Variants in PLD4 observed in about 807,000 individuals in gnomAD.
The protein encoded by PLD4 is 5'-3' exonuclease PLD4.
PLD4 carries 54 observed loss-of-function variants against 52.3 expected under a neutral mutation model. The ratio of observed to expected loss-of-function variants is 1.03; its 90% CI spans 0.83 to 1.30. PLD4 has a LOEUF of 1.30. Among genes scored for constraint, PLD4 ranks in the 50% most tolerant of loss-of-function variants. PLD4 has a pLI of 0.00. For synonymous variants in PLD4, 264 were observed against 286.5 expected (o/e 0.92, Z 0.79); for missense variants, 731 against 671.1 (o/e 1.09, Z -0.99).
chr14:104,930,458 A>T (rs970701935), intron 6 of PLD4, among the ~76,000 whole-genome samples: 7 of 152,242 alleles, frequency 4.6e-5, no homozygotes, highest in African/African-American at 1.4e-4. Flanking sequence ...CAGTGGGATT[A>T]AGAATGATCC....
chr14:104,931,948 C>G, intron 8 of PLD4, 61 bp downstream of exon 8: 1 of 1,524,200 alleles, frequency 6.6e-7, no homozygotes. Flanking sequence ...GGGCACGTCC[C>G]CTCCTGCTGG....
chr14:104,927,205 G>A lies in PLD4; in HGVS notation c.65G>A (p.Arg22His), dbSNP rs200194221. ...PTWPCSMPPR[R>H]PWDREAGTLQ... The stretch of plus-strand genomic sequence containing the variant: ...TGGCCATGCTCCATGCCGCCCCGCC[G>A]CCCGTGGGACAGAGAGGCTGGCACG... The change falls in exon 2 of 11, where the codon CGC becomes CAC. Residue 22 changes from arginine (R) to histidine (H), a missense_variant. By Grantham distance (29) the Arg-to-His change is conservative. Coordinates refer to ENST00000392593, the MANE Select transcript of PLD4 (RefSeq NM_138790.5). 5.4e-5 allele frequency: 84 copies of A among 1,557,722 alleles called. No homozygotes were observed. The East Asian group carries it at 7.7e-4, about 14-fold the overall frequency.
chr14:104,931,012 C>A, intron 7 of PLD4, 70 bp downstream of exon 7: 1 of 1,541,780 alleles, frequency 6.5e-7, no homozygotes, highest in Non-Finnish European at 8.9e-7. Flanking sequence ...CCACAGGGAG[C>A]CCTCTGGGCT....
At chr14:104,936,236 C>G (rs144884195), downstream of PLD4, 2 of 152,190 alleles carry the variant, frequency 1.3e-5, no homozygotes, top group South Asian at 2.1e-4. Flanking sequence ...GACTCCTCCC[C>G]CTGGGCTGCA....
In PLD4 at chr14:104,927,210, T is replaced by C. The variant is rs755146577; in HGVS notation, c.70T>C (p.Trp24Arg). 6.4e-7 allele frequency: 1 copy of C among 1,556,132 alleles called. No homozygotes were observed. Among genetic ancestry groups the C allele is most frequent in the Admixed American group, 1.9e-5 (1 of 51,506 alleles). ...ATGCTCCATGCCGCCCCGCCGCCCG[T>C]GGGACAGAGAGGCTGGCACGGTAGG... Reference protein sequence around the residue: ...WPCSMPPRRPWDREAGTLQVL... With the variant: ...WPCSMPPRRPRDREAGTLQVL... Residue 24 changes from tryptophan to arginine, a missense_variant, in exon 2 of 11, where the codon TGG (tryptophan) becomes CGG (arginine). Physicochemically the swap from Trp to Arg is moderately radical, Grantham distance 101. Transcript: ENST00000392593.
At chr14:104,926,196 A>C (rs2582531) in intron 1 of PLD4, among the ~76,000 whole-genome samples, 88,058 of 151,956 alleles carry the variant, frequency 0.58, 26,530 homozygotes, top group African/African-American at 0.75. Context: ...CCTCGGAGAC[A>C]TCCCCATCCC....
chr14:104,929,286 A>G (rs771834806), intron 4 of PLD4, 21 bp from the exon 5 acceptor site: 20 of 1,583,464 alleles, frequency 1.3e-5, no homozygotes, highest in South Asian at 4.6e-5. Flanking sequence ...GTCAGCTCTC[A>G]TGGCTGGCCT....
In PLD4 at chr14:104,932,330, G is replaced by T; in HGVS notation, c.1296G>T (p.Met432Ile). 6.2e-7 allele frequency: 1 copy of T among 1,612,724 alleles called. No individual in the cohort carries two copies. The highest frequency in any genetic ancestry group is 8.5e-7 in the Non-Finnish European group (1 of 1,179,878). Residue 432 changes from methionine to isoleucine, a missense_variant, in exon 10 of 11, where the codon ATG (methionine) becomes ATT (isoleucine). Met to Ile is a conservative substitution (Grantham distance 10, BLOSUM62 1). Transcript: ENST00000392593. This position sits in a 1 kb window ranked among gnomAD's most constrained non-coding sequence, Gnocchi z 6.5. ...GCAGGGTGAACCACAGCAAGTTCAT[G>T]GTCACGGAGAAGGCAGCCTACATAG... Reference protein sequence around the residue: ...PFSRVNHSKFMVTEKAAYIGT... With the variant: ...PFSRVNHSKFIVTEKAAYIGT...
chr14:104,931,253 G>A (rs1026187700), intron 7 of PLD4, among the ~76,000 whole-genome samples: 1 of 152,172 alleles, frequency 6.6e-6, no homozygotes, highest in Non-Finnish European at 1.5e-5. Context: ...ACTGCTGGGC[G>A]AGGCCAAGGG....
chr14:104,932,393 T>C lies in PLD4; in HGVS notation c.1321+38T>C. On this transcript the variant is annotated intron_variant, in intron 10 of 10. Coordinates refer to ENST00000392593, the MANE Select transcript of PLD4 (RefSeq NM_138790.5). This position sits in a 1 kb window ranked among gnomAD's most constrained non-coding sequence, Gnocchi z 6.5. The stretch of plus-strand genomic sequence containing the variant: ...AGATCACGGCGGGCGGGCCCCAGGG[T>C]GGCCAGGCACGGGCGAGGGAGGCAC... The C allele has an allele frequency of 6.3e-7, 1 of 1,596,860 alleles. No homozygotes were observed. Among genetic ancestry groups the C allele is most frequent in the South Asian group, 1.1e-5 (1 of 90,612 alleles).
chr14:104,929,299 C>A lies in PLD4; in HGVS notation c.469-8C>A, dbSNP rs1403126565. On this transcript the variant is annotated splice_region_variant and splice_polypyrimidine_tract_variant and intron_variant, in intron 4 of 10. Coordinates refer to ENST00000392593, the MANE Select transcript of PLD4 (RefSeq NM_138790.5). ...AGGTCAGCTCTCATGGCTGGCCTGG[C>A]CTTGCAGGGAGAGGCTCTTCTGCAG... The A allele has an allele frequency of 3.2e-6, 5 of 1,583,606 alleles. No homozygotes were observed. The Admixed American group carries it at 5.4e-5, about 17-fold the overall frequency.
Position 104,933,206 on chromosome 14 carries a change from C to A in PLD4, c.*242C>A, listed in dbSNP as rs979329526. 8.9e-6 allele frequency: 4 copies of A among 449,332 alleles called. No individual in the cohort carries two copies. Among genetic ancestry groups the A allele is most frequent in the Non-Finnish European group, 3.9e-6 (1 of 256,864 alleles). 27.8% of individuals were successfully genotyped at this position (449,332 alleles called of 1,614,324 possible). ...AGCCCCTTCCCTGACTCCTGGCCCA[C>A]AGGCCAGGCCTAAAAAAAACTCGTG... On this transcript the variant is annotated 3_prime_UTR_variant, in exon 11 of 11. Coordinates refer to ENST00000392593, the MANE Select transcript of PLD4 (RefSeq NM_138790.5).
chr14:104,933,136 T>G lies in PLD4; in HGVS notation c.*172T>G. Reference sequence around the variant, plus strand: ...GCCCGCCTGCTCTCTGATTTCCGAGTCCAGCCCCCCCTGAGCCCCACCTCC... The same window carrying G: ...GCCCGCCTGCTCTCTGATTTCCGAGGCCAGCCCCCCCTGAGCCCCACCTCC... On this transcript the variant is annotated 3_prime_UTR_variant, in exon 11 of 11. Coordinates refer to ENST00000392593, the MANE Select transcript of PLD4 (RefSeq NM_138790.5). 1.4e-6 allele frequency: 1 copy of G among 725,666 alleles called. No homozygotes were observed. Among genetic ancestry groups the G allele is most frequent in the East Asian group, 3.1e-5 (1 of 31,874 alleles). 45.0% of individuals were successfully genotyped at this position (725,666 alleles called of 1,614,324 possible).
Position 104,927,246 on chromosome 14 carries a change from C to T in PLD4, c.90+16C>T. 1 of 1,528,900 alleles carries T rather than the reference C, an allele frequency of 6.5e-7. No individual in the cohort carries two copies. Among genetic ancestry groups the T allele is most frequent in the South Asian group, 1.2e-5 (1 of 82,408 alleles). 94.7% of individuals were successfully genotyped at this position (1,528,900 alleles called of 1,614,324 possible). On this transcript the variant is annotated intron_variant, in intron 2 of 10. Coordinates refer to ENST00000392593, the MANE Select transcript of PLD4 (RefSeq NM_138790.5). ...GGCTGGCACGGTAGGACTGGGGGGC[C>T]CCAGGGGGGAGGTGGCTGGGATCAA... is the stretch of plus-strand genomic sequence containing the variant.
chr14:104,927,576 A>G (rs1897497161), intron 2 of PLD4, 97 bp from the exon 3 acceptor site: 2 of 1,353,694 alleles, frequency 1.5e-6, no homozygotes, highest in African/African-American at 2.9e-5. Flanking sequence ...CGGGAAGTCA[A>G]GACGGTCTCT....
chr14:104,929,514 G>T (rs1897572077), intron 5 of PLD4, 87 bp downstream of exon 5: 2 of 1,465,474 alleles, frequency 1.4e-6, no homozygotes, highest in East Asian at 2.5e-5. Context: ...GAAAAGAAGT[G>T]AGGGTGGGAA....
In PLD4 at chr14:104,932,837, G is replaced by T; in HGVS notation, c.1394G>T (p.Gly465Val). The change falls in exon 11 of 11, where the codon GGC becomes GTC. Residue 465 changes from glycine (G) to valine (V), a missense_variant. Physicochemically the swap from Gly to Val is moderately radical, Grantham distance 109. Transcript: ENST00000392593. This position sits in a 1 kb window ranked among gnomAD's most constrained non-coding sequence, Gnocchi z 6.5. Reference protein sequence around the residue: ...GVGLVVTQSPGAQPAGATVQE... With the variant: ...GVGLVVTQSPVAQPAGATVQE... ...GGCTTGGTGGTCACCCAGAGCCCTG[G>T]CGCGCAGCCCGCGGGGGCCACGGTG... 6.2e-7 allele frequency: 1 copy of T among 1,605,570 alleles called. No homozygotes were observed. Among genetic ancestry groups the T allele is most frequent in the Non-Finnish European group, 8.5e-7 (1 of 1,176,632 alleles).
At chr14:104,937,741 C>T (rs1897846823), downstream of PLD4, 2 of 301,510 alleles carry the variant, frequency 6.6e-6, no homozygotes, top group East Asian at 6.1e-5. Context: ...GTATTATGGA[C>T]AGGTCTCTGG....
chr14:104,933,026 C>T lies in PLD4; in HGVS notation c.*62C>T. 6.8e-7 allele frequency: 1 copy of T among 1,469,752 alleles called. No individual in the cohort carries two copies. The highest frequency in any genetic ancestry group is 9.0e-7 in the Non-Finnish European group (1 of 1,108,512). 91.0% of individuals were successfully genotyped at this position (1,469,752 alleles called of 1,614,324 possible). ...ACGCGCCCTCCCCTCTGACCCCGGCCTGGGCTTCAGCCGCTTCCTCCCGCA... is the reference window on the plus strand; with the variant it reads ...ACGCGCCCTCCCCTCTGACCCCGGCTTGGGCTTCAGCCGCTTCCTCCCGCA... On this transcript the variant is annotated 3_prime_UTR_variant, in exon 11 of 11. Coordinates refer to ENST00000392593, the MANE Select transcript of PLD4 (RefSeq NM_138790.5).
Sources: allele counts gnomAD v4.1 joint callset (sites outside exome capture counted in the v4.1 genomes callset), GRCh38; gene constraint gnomAD v4.1.1; non-coding constraint Gnocchi (gnomAD v3.1); transcripts MANE v1.5; gene names NCBI Gene and HGNC (gene_info 2026-07-23, HGNC 2026-07-21).